The following P3H2 variants were observed in gnomAD, a reference collection of about 807,000 sequenced individuals.
P3H2 encodes the protein prolyl 3-hydroxylase 2.
In P3H2, 80 loss-of-function variants were observed where a neutral mutation model predicts 87.0. The observed-to-expected ratio is 0.92, with a 90% CI of 0.77 to 1.11. P3H2 has a LOEUF of 1.11. Ranked by LOEUF, P3H2 falls within the 50% of genes least tolerant of loss-of-function variation. The probability of loss-of-function intolerance (pLI) is 0.00; values close to 1 mark genes in which losing one functional copy is unlikely to be tolerated. For missense variants in P3H2, 1,001 were observed against 923.9 expected (o/e 1.08, Z -1.08); for synonymous variants, 367 against 359.3 (o/e 1.02, Z -0.24).
intron 14 of P3H2, among the ~76,000 whole-genome samples, chr3:189,961,760 T>C (rs79592707): frequency 6.6e-6 from 1 of 152,194 alleles, no homozygotes; most frequent in Non-Finnish European, 1.5e-5. Flanking sequence ...CTGGAGAGGT[T>C]TTCTAGTACT....
At chr3:190,087,541 C>A (rs1174313880) in intron 1 of P3H2, among the ~76,000 whole-genome samples, 50 of 97,262 alleles carry the variant, frequency 5.1e-4, no homozygotes, top group African/African-American at 2.0e-3. Flanking sequence ...AAGACTACAT[C>A]TCAAAAAAAA....
chr3:189,973,187 T>C (rs897537034), intron 10 of P3H2, 163 bp from the exon 11 acceptor site: 6 of 639,920 alleles, frequency 9.4e-6, no homozygotes, highest in African/African-American at 3.7e-5. Flanking sequence ...CATTGTGCCA[T>C]TGGAATAAAC....
At chr3:190,018,596 C>T (rs1724842297) in intron 1 of P3H2, among the ~76,000 whole-genome samples, 2 of 152,082 alleles carry the variant, frequency 1.3e-5, no homozygotes, top group Admixed American at 1.3e-4. Flanking sequence ...GTAATCTTAG[C>T]TACTTGGGAG....
At chr3:189,972,081 C>T in intron 11 of P3H2, 74 bp from the exon 12 acceptor site, 2 of 890,264 alleles carry the variant, frequency 2.2e-6, no homozygotes, top group East Asian at 2.4e-5. Flanking sequence ...GACAATCTCT[C>T]TTCTCCCAGT....
rs1722903551 is a variant in P3H2 at position 189,964,107 on chromosome 3, G to A, written c.1894-9C>T. Reference sequence around the variant, plus strand: ...TTTGGTTTTATAGAGGCCTGAGAAAGAAAGCAAAAATTAGACTTTCAATTG... The same window carrying A: ...TTTGGTTTTATAGAGGCCTGAGAAAAAAAGCAAAAATTAGACTTTCAATTG... On this transcript the variant is annotated splice_polypyrimidine_tract_variant and intron_variant, in intron 13 of 14. Coordinates refer to ENST00000319332, the MANE Select transcript of P3H2 (RefSeq NM_018192.4). 1.2e-6 allele frequency: 2 copies of A among 1,613,224 alleles called. No homozygotes were observed. Among genetic ancestry groups the A allele is most frequent in the African/African-American group, 2.7e-5 (2 of 74,912 alleles).
chr3:190,098,440 T>G (rs1436388557), intron 1 of P3H2, among the ~76,000 whole-genome samples: 3 of 152,202 alleles, frequency 2.0e-5, no homozygotes, highest in Admixed American at 6.5e-5. Flanking sequence ...CCGTAGTTGC[T>G]ATAAATGAGA....
chr3:190,088,452 T>C (rs917353557), intron 1 of P3H2, among the ~76,000 whole-genome samples: 11 of 150,712 alleles, frequency 7.3e-5, no homozygotes, highest in Non-Finnish European at 7.3e-5. Flanking sequence ...TCCCTTTCAC[T>C]ACACTGATGT....
At chr3:190,026,582 A>C (rs1725092924) in intron 1 of P3H2, among the ~76,000 whole-genome samples, 2 of 152,248 alleles carry the variant, frequency 1.3e-5, no homozygotes, top group African/African-American at 4.8e-5. Flanking sequence ...GGAGGCAGGA[A>C]TAATCCACCC....
At chr3:190,085,700 T>G (rs1285628122) in intron 1 of P3H2, among the ~76,000 whole-genome samples, 3 of 152,180 alleles carry the variant, frequency 2.0e-5, no homozygotes, top group Non-Finnish European at 4.4e-5. Flanking sequence ...TACTAATATT[T>G]ATGTACAAAA....
intron 1 of P3H2, among the ~76,000 whole-genome samples, chr3:190,011,173 G>A (rs1406304876): frequency 6.6e-6 from 1 of 151,734 alleles, no homozygotes; most frequent in African/African-American, 2.4e-5. Context: ...TACTCAGGAG[G>A]CTGAGAGGAG....
At chr3:190,077,090 T>C (rs1370476959) in intron 1 of P3H2, among the ~76,000 whole-genome samples, 9 of 152,216 alleles carry the variant, frequency 5.9e-5, no homozygotes, top group Non-Finnish European at 1.3e-4. Context: ...AGAAAAACTT[T>C]CCTGACTGTT....
At chr3:190,029,085 C>T (rs148178753) in intron 1 of P3H2, among the ~76,000 whole-genome samples, 356 of 152,204 alleles carry the variant, frequency 2.3e-3, no homozygotes, top group African/African-American at 8.3e-3. Context: ...TCTAGTGTTC[C>T]GGCCTGAGGT....
chr3:190,095,303 C>CATATATATATAT lies in P3H2; in HGVS notation c.480+24937_480+24948dup, dbSNP rs57074960. 4.2e-4 allele frequency among the ~76,000 whole-genome samples: 21 copies of CATATATATATAT among 49,444 alleles called. 1 individual carries two copies. Among genetic ancestry groups the CATATATATATAT allele is most frequent in the Non-Finnish European group, 4.8e-4 (14 of 29,244 alleles). 32.4% of individuals were successfully genotyped at this position (49,444 alleles called of 152,430 possible). A position where few individuals can be genotyped will look rare whatever the true frequency, so the allele number is the denominator to read the frequency against. On this transcript the variant is annotated intron_variant, in intron 1 of 14. Transcript: ENST00000319332. ...GTCTCAAAGACAAATTGTCTCAAAA[C>CATATATATATAT]ATATATATATATATATATATATATA...
intron 13 of P3H2, chr3:189,969,211 G>A (rs906228564): frequency 2.7e-6 from 2 of 728,274 alleles, no homozygotes; most frequent in East Asian, 2.6e-5. Context: ...GTCATAATCT[G>A]TCACCATGGC....
rs900046481 is a variant in P3H2, at chr3:190,004,673, C to A, written c.481-9231G>T. On this transcript the variant is annotated intron_variant, in intron 1 of 14. Transcript: ENST00000319332. Reference sequence around the variant, plus strand: ...CTGGGATTACAGGTGTGAGCCACCGCGCCTGGCCACGAACAATAATTTATA... The same window carrying A: ...CTGGGATTACAGGTGTGAGCCACCGAGCCTGGCCACGAACAATAATTTATA... Among the ~76,000 whole-genome samples, 3 of 152,272 alleles carry A rather than the reference C, an allele frequency of 2.0e-5. No homozygotes were observed. In the South Asian group the frequency reaches 6.2e-4, roughly 32 times the overall value.
rs552281034 is a variant in P3H2 at position 189,991,467 on chromosome 3, A to G, written c.824-2429T>C. On this transcript the variant is annotated intron_variant, in intron 3 of 14. Transcript: ENST00000319332. ...TAACCATTTTAATCCCTGCTATGAGATAGATGGATATATCATCTCCTTCCT... is the reference window on the plus strand; with the variant it reads ...TAACCATTTTAATCCCTGCTATGAGGTAGATGGATATATCATCTCCTTCCT... Among the ~76,000 whole-genome samples the G allele has an allele frequency of 2.8e-3, 421 of 152,370 alleles. 2 individuals carry two copies. Among genetic ancestry groups the G allele is most frequent in the Admixed American group, 6.7e-3 (103 of 15,308 alleles).
intron 1 of P3H2, among the ~76,000 whole-genome samples, chr3:190,106,110 T>C (rs1711825590): frequency 6.6e-6 from 1 of 152,142 alleles, no homozygotes; most frequent in Admixed American, 6.5e-5. Context: ...ATTTTATCTA[T>C]TAATATGAAA....
Position 189,969,482 on chromosome 3 carries a change from C to T in P3H2, c.1893+1334G>A, listed in dbSNP as rs1190697289. 4.2e-6 allele frequency: 4 copies of T among 943,758 alleles called. No homozygotes were observed. In the East Asian group the frequency reaches 9.5e-5, roughly 23 times the overall value. The allele number at this position is 943,758 out of a possible 1,614,324, so 58.5% of individuals were successfully genotyped here. On this transcript the variant is annotated intron_variant, in intron 13 of 14. Coordinates refer to ENST00000319332, the MANE Select transcript of P3H2 (RefSeq NM_018192.4). ...CACTCCTCTAGCACAACAATGACTT[C>T]CATCATAGAGGGACTGAGGTCTCAT...
rs116035317 is a variant in P3H2 at position 190,048,719 on chromosome 3, T to C, written c.481-53277A>G. On this transcript the variant is annotated intron_variant, in intron 1 of 14. Transcript: ENST00000319332. ...AGCCTTTTAACTTTTCGGTGGACTATAGGGACAGTAGCAGGAGATCAGCTA... is the reference window on the plus strand; with the variant it reads ...AGCCTTTTAACTTTTCGGTGGACTACAGGGACAGTAGCAGGAGATCAGCTA... Among the ~76,000 whole-genome samples, 358 of 152,322 alleles carry C rather than the reference T, an allele frequency of 2.4e-3. 5 individuals are homozygous for C. Among genetic ancestry groups the C allele is most frequent in the African/African-American group, 8.3e-3 (346 of 41,574 alleles).
Sources: allele counts gnomAD v4.1 joint callset (sites outside exome capture counted in the v4.1 genomes callset), GRCh38; gene constraint gnomAD v4.1.1; transcripts MANE v1.5; gene names NCBI Gene and HGNC (gene_info 2026-07-23, HGNC 2026-07-21).